The following ADIPOR2 variants were observed in gnomAD, a reference collection of about 807,000 sequenced individuals.
The protein encoded by ADIPOR2 is adiponectin receptor protein 2.
A neutral mutation model predicts 40.9 loss-of-function variants in ADIPOR2; 18 were observed. The ratio of observed to expected loss-of-function variants is 0.44; its 90% CI spans 0.30 to 0.65. The LOEUF is 0.65. Among genes scored for constraint, ADIPOR2 ranks in the 30% least tolerant of loss-of-function variants. The pLI, the probability that ADIPOR2 is intolerant of heterozygous loss-of-function variation, is 0.09. For synonymous variants in ADIPOR2, 165 were observed against 166.4 expected (o/e 0.99, Z 0.06); for missense variants, 283 against 479.2 (o/e 0.59, Z 3.82).
chr12:1,714,047 A>G (rs2094682951), intron 1 of ADIPOR2, among the ~76,000 whole-genome samples: 1 of 152,092 alleles, frequency 6.6e-6, no homozygotes, highest in Non-Finnish European at 1.5e-5. Context: ...CTTCTGGCCC[A>G]GAGAACCTTT....
At chr12:1,717,522 A>G (rs1327375123) in intron 1 of ADIPOR2, among the ~76,000 whole-genome samples, 2 of 152,172 alleles carry the variant, frequency 1.3e-5, no homozygotes, top group Non-Finnish European at 2.9e-5. Context: ...CCTGATGAAC[A>G]TGGAGAAACC....
At chr12:1,720,703 C>A (rs2094696216) in intron 1 of ADIPOR2, among the ~76,000 whole-genome samples, 1 of 152,154 alleles carries the variant, frequency 6.6e-6, no homozygotes, top group Non-Finnish European at 1.5e-5. Flanking sequence ...CTTTTGAGCC[C>A]CTCCTGCTGT....
chr12:1,775,948 A>G (rs532343962), intron 3 of ADIPOR2, among the ~76,000 whole-genome samples: 1 of 152,352 alleles, frequency 6.6e-6, no homozygotes, highest in East Asian at 1.9e-4. Context: ...TGTTAAAAAT[A>G]TAGATTAGTC....
intron 1 of ADIPOR2, among the ~76,000 whole-genome samples, chr12:1,747,275 A>G (rs1355657555): frequency 6.6e-6 from 1 of 152,218 alleles, no homozygotes; most frequent in African/African-American, 2.4e-5. Context: ...TTCTAATCAC[A>G]ATGGAATGAA....
At chr12:1,698,628 A>G (rs975347013) in intron 1 of ADIPOR2, among the ~76,000 whole-genome samples, 1 of 152,222 alleles carries the variant, frequency 6.6e-6, no homozygotes, top group African/African-American at 2.4e-5. Context: ...TGGATATGCT[A>G]TAACTTAATA....
intron 7 of ADIPOR2, among the ~76,000 whole-genome samples, chr12:1,784,856 T>C (rs1862796083): frequency 6.6e-6 from 1 of 152,262 alleles, no homozygotes; most frequent in Non-Finnish European, 1.5e-5. Context: ...ATTCTGTTCC[T>C]CAGCCTATTG....
chr12:1,757,095 A>T, intron 2 of ADIPOR2: 1 of 231,316 alleles, frequency 4.3e-6, no homozygotes, highest in Non-Finnish European at 8.4e-6. Context: ...GTTATTAAGG[A>T]ATCTAAGGAA....
intron 1 of ADIPOR2, among the ~76,000 whole-genome samples, chr12:1,717,383 C>T (rs1208226031): frequency 6.6e-6 from 1 of 152,048 alleles, no homozygotes; most frequent in African/African-American, 2.4e-5. Flanking sequence ...GGTTATATTG[C>T]TTAGAACATA....
intron 2 of ADIPOR2, among the ~76,000 whole-genome samples, chr12:1,770,875 A>G (rs528772214): frequency 6.6e-6 from 1 of 152,300 alleles, no homozygotes; most frequent in South Asian, 2.1e-4. Flanking sequence ...TGTGGATTAG[A>G]TAGGTTATGC....
intron 3 of ADIPOR2, among the ~76,000 whole-genome samples, chr12:1,775,292 G>A (rs1862567052): frequency 6.6e-6 from 1 of 152,096 alleles, no homozygotes; most frequent in African/African-American, 2.4e-5. Flanking sequence ...TTATTCTAGG[G>A]GGTAAAAGAG....
intron 2 of ADIPOR2, among the ~76,000 whole-genome samples, chr12:1,771,636 G>A (rs1028441011): frequency 2.6e-5 from 4 of 152,166 alleles, no homozygotes; most frequent in Admixed American, 1.3e-4. Context: ...CCGCATCATA[G>A]CCTCTAGTTA....
At chr12:1,692,015 G>T (rs2094628119) in intron 1 of ADIPOR2, among the ~76,000 whole-genome samples, 1 of 150,162 alleles carries the variant, frequency 6.7e-6, no homozygotes, top group Non-Finnish European at 1.5e-5. Context: ...AAAATAAGAT[G>T]TTCTTTTAAT....
intron 6 of ADIPOR2, 132 bp downstream of exon 6, chr12:1,781,208 C>A (rs772767895): frequency 2.4e-5 from 24 of 1,016,028 alleles, no homozygotes; most frequent in Non-Finnish European, 3.1e-5. Flanking sequence ...AATCATAGTT[C>A]CTATTGTTGG....
chr12:1,762,898 T>G (rs1024208398), intron 2 of ADIPOR2, among the ~76,000 whole-genome samples: 1 of 152,240 alleles, frequency 6.6e-6, no homozygotes, highest in Non-Finnish European at 1.5e-5. Flanking sequence ...AAAAGTGCGA[T>G]ATGGCAATTT....
intron 2 of ADIPOR2, among the ~76,000 whole-genome samples, chr12:1,758,579 C>T (rs946787586): frequency 3.3e-5 from 5 of 152,138 alleles, no homozygotes; most frequent in African/African-American, 1.2e-4. Context: ...CTGCCAATTT[C>T]ACGGTTAATG....
chr12:1,780,622 C>T lies in ADIPOR2; in HGVS notation c.635C>T (p.Ser212Phe). ...HTVYCHSEGV[S>F]RLFSKLDYSG... ...GTCTACTGCCACTCAGAGGGGGTCT[C>T]TCGGCTCTTCTCTAAGTAAGTATCT... The change falls in exon 5 of 8, where the codon TCT becomes TTT. Residue 212 changes from serine to phenylalanine, a missense_variant. By Grantham distance (155) the Ser-to-Phe change is radical. Coordinates refer to ENST00000357103, the MANE Select transcript of ADIPOR2 (RefSeq NM_024551.3). The T allele has an allele frequency of 6.3e-7, 1 of 1,593,584 alleles. No individual in the cohort carries two copies. Among genetic ancestry groups the T allele is most frequent in the Middle Eastern group, 1.7e-4 (1 of 5,882 alleles).
At chr12:1,782,862 A>G (rs1862745378) in intron 6 of ADIPOR2, among the ~76,000 whole-genome samples, 1 of 151,752 alleles carries the variant, frequency 6.6e-6, no homozygotes. Context: ...CCCCACCCCC[A>G]TTAGGTCATT....
At chr12:1,720,131 A>G (rs1468253397) in intron 1 of ADIPOR2, among the ~76,000 whole-genome samples, 1 of 152,256 alleles carries the variant, frequency 6.6e-6, no homozygotes. Flanking sequence ...TCAGAAACAA[A>G]TGAAAAGAAT....
intron 1 of ADIPOR2, among the ~76,000 whole-genome samples, chr12:1,748,300 G>A (rs532351275): frequency 6.6e-6 from 1 of 152,068 alleles, no homozygotes; most frequent in Non-Finnish European, 1.5e-5. Context: ...CCAGGCTGGA[G>A]TGCAGTGGCG....
Sources: gnomAD v4.1 joint callset for allele counts (sites outside exome capture counted in the v4.1 genomes callset) on GRCh38, gnomAD v4.1.1 for gene constraint, MANE v1.5 for transcripts, NCBI Gene and HGNC (gene_info 2026-07-23, HGNC 2026-07-21) for gene names.